Variants in TLL1 observed in about 807,000 individuals in gnomAD.
TLL1 encodes tolloid-like protein 1.
TLL1 carries 49 observed loss-of-function variants against 128.2 expected under a neutral mutation model. That is an observed-to-expected ratio of 0.38 (90% CI 0.30 to 0.48). The LOEUF is 0.48. TLL1 is among the 20% of genes least tolerant of loss of function. TLL1 has a pLI of 0.96. For missense variants in TLL1, 1,123 were observed against 1,242.0 expected, an observed-to-expected ratio of 0.90 and a Z score of 1.44; for synonymous variants, 454 against 418.8, an observed-to-expected ratio of 1.08 and a Z score of -1.03.
chr4:165,959,268 T>A (rs1579544896), intron 1 of TLL1, among the ~76,000 whole-genome samples: 1 of 152,208 alleles, frequency 6.6e-6, no homozygotes, highest in East Asian at 1.9e-4. Context: ...GGTAGCTTGA[T>A]GGGGATGGCA....
At chr4:165,917,490 G>T (rs999195561) in intron 1 of TLL1, among the ~76,000 whole-genome samples, 4 of 152,102 alleles carry the variant, frequency 2.6e-5, no homozygotes, top group Non-Finnish European at 5.9e-5. Flanking sequence ...GGTATCAGGT[G>T]TAACTTTTAT....
intron 1 of TLL1, among the ~76,000 whole-genome samples, chr4:165,876,190 C>A (rs549731819): frequency 6.6e-6 from 1 of 152,132 alleles, no homozygotes; most frequent in Non-Finnish European, 1.5e-5. Flanking sequence ...AAATTATCTA[C>A]CCTGCTTTTG....
chr4:166,046,420 G>C (rs1739463810), intron 12 of TLL1, among the ~76,000 whole-genome samples: 1 of 152,108 alleles, frequency 6.6e-6, no homozygotes, highest in South Asian at 2.1e-4. Context: ...AATCTTCTAG[G>C]CAAGGAAACT....
intron 19 of TLL1, among the ~76,000 whole-genome samples, chr4:166,095,292 G>T (rs997241819): frequency 1.3e-5 from 2 of 151,922 alleles, no homozygotes; most frequent in Admixed American, 6.6e-5. Flanking sequence ...GGACTTAATT[G>T]GAAAGAGTTC....
At chr4:166,020,317 C>A (rs1421107211) in intron 8 of TLL1, among the ~76,000 whole-genome samples, 1 of 152,116 alleles carries the variant, frequency 6.6e-6, no homozygotes, top group African/African-American at 2.4e-5. Context: ...GTCTTACAAT[C>A]TTTTCTATTC....
chr4:165,873,732 C>T lies in TLL1; in HGVS notation c.-173C>T. The T allele has an allele frequency of 1.5e-6, 1 of 652,810 alleles. No homozygotes were observed. 40.4% of individuals were successfully genotyped at this position (652,810 alleles called of 1,614,324 possible). A position where few individuals can be genotyped will look rare whatever the true frequency, so the allele number is the denominator to read the frequency against. On this transcript the variant is annotated 5_prime_UTR_variant, in exon 1 of 21. Coordinates refer to ENST00000061240, the MANE Select transcript of TLL1 (RefSeq NM_012464.5). The stretch of plus-strand genomic sequence containing the variant: ...GGGGGTAACAGGCAGTGCTTGCCCT[C>T]TCTACTGTCCCGGCGGCATCCACAT...
chr4:166,001,144 A>G (rs1737130416), intron 5 of TLL1, among the ~76,000 whole-genome samples: 2 of 152,108 alleles, frequency 1.3e-5, no homozygotes, highest in South Asian at 4.1e-4. Flanking sequence ...CATTCGGTCA[A>G]TTAGTTTTTG....
chr4:165,937,243 TA>T (rs1359689732), intron 1 of TLL1, among the ~76,000 whole-genome samples: 3 of 152,148 alleles, frequency 2.0e-5, no homozygotes, highest in African/African-American at 7.2e-5. Context: ...TTTTTAACAA[TA>T]AAAAAACCTG....
At chr4:166,063,398 G>C (rs1206817084) in intron 15 of TLL1, among the ~76,000 whole-genome samples, 3 of 152,168 alleles carry the variant, frequency 2.0e-5, no homozygotes, top group African/African-American at 7.2e-5. Flanking sequence ...TGGTGGGACT[G>C]TAAACTAGTT....
intron 11 of TLL1, among the ~76,000 whole-genome samples, chr4:166,042,635 A>T (rs1739287827): frequency 6.6e-6 from 1 of 152,210 alleles, no homozygotes; most frequent in Non-Finnish European, 1.5e-5. Flanking sequence ...AAAACAATAA[A>T]CTGGCATTGT....
chr4:166,025,060 A>G (rs1309002837), intron 8 of TLL1, among the ~76,000 whole-genome samples: 2 of 152,216 alleles, frequency 1.3e-5, no homozygotes, highest in Non-Finnish European at 2.9e-5. Flanking sequence ...AAAGGTTTCC[A>G]TGAGGAAGAA....
At chr4:165,874,876 G>T (rs1460073) in intron 1 of TLL1, 15,497 of 152,334 alleles carry the variant, frequency 0.1, 908 homozygotes, top group East Asian at 0.18. Context: ...GCGGGGCGGC[G>T]CTTCCCTCTC....
Position 165,903,547 on chromosome 4 carries a change from G to A in TLL1, c.169+29474G>A, listed in dbSNP as rs1732099330. 2.6e-5 allele frequency among the ~76,000 whole-genome samples: 4 copies of A among 151,164 alleles called. 1 individual carries two copies. The Middle Eastern group carries it at 0.01, about 386-fold the overall frequency. The stretch of plus-strand genomic sequence containing the variant: ...TCTGCCTTAGCCACTTGAGTAGCTG[G>A]GACTACAGGTGTGTACCACCATGCC... On this transcript the variant is annotated intron_variant, in intron 1 of 20. Transcript: ENST00000061240.
chr4:166,005,728 G>A (rs1037599719), intron 6 of TLL1, among the ~76,000 whole-genome samples: 1 of 148,090 alleles, frequency 6.8e-6, no homozygotes, highest in East Asian at 2.1e-4. Flanking sequence ...AATTATTCGT[G>A]TTTTTTATTT....
chr4:165,986,054 A>G (rs1736380858), intron 1 of TLL1, among the ~76,000 whole-genome samples: 1 of 151,846 alleles, frequency 6.6e-6, no homozygotes, highest in Non-Finnish European at 1.5e-5. Context: ...ACCTCAAATC[A>G]TGTATTAAAT....
intron 1 of TLL1, among the ~76,000 whole-genome samples, chr4:165,940,580 C>T (rs943191606): frequency 2.6e-5 from 4 of 151,786 alleles, no homozygotes; most frequent in African/African-American, 4.8e-5. Context: ...TGGCTGAATT[C>T]GTTATATGAA....
At chr4:165,948,063 T>C (rs1734340265) in intron 1 of TLL1, among the ~76,000 whole-genome samples, 1 of 152,134 alleles carries the variant, frequency 6.6e-6, no homozygotes, top group Non-Finnish European at 1.5e-5. Flanking sequence ...ATTTTGAGCC[T>C]AAAGGATAGA....
intron 8 of TLL1, among the ~76,000 whole-genome samples, chr4:166,019,669 A>G (rs1738121724): frequency 6.6e-6 from 1 of 152,164 alleles, no homozygotes; most frequent in Admixed American, 6.5e-5. Flanking sequence ...CCAAGAGGGC[A>G]AGTTTCTAAC....
rs927159914 is a variant in TLL1, at chr4:166,103,866, C to T, written c.*2990C>T. 6.7e-6 allele frequency: 1 copy of T among 149,896 alleles called. No individual in the cohort carries two copies. Among genetic ancestry groups the T allele is most frequent in the African/African-American group, 2.4e-5 (1 of 40,944 alleles). The allele number at this position is 149,896 out of a possible 1,614,324, so 9.3% of individuals were successfully genotyped here. On this transcript the variant is annotated 3_prime_UTR_variant, in exon 21 of 21. Transcript: ENST00000061240. ...GAAAAAAAAAAAAACACTGTTCTCACTTGATTTTATTAAATTATTTTTAAA... is the reference window on the plus strand; with the variant it reads ...GAAAAAAAAAAAAACACTGTTCTCATTTGATTTTATTAAATTATTTTTAAA...
Sources: allele counts gnomAD v4.1 joint callset (sites outside exome capture counted in the v4.1 genomes callset), GRCh38; gene constraint gnomAD v4.1.1; transcripts MANE v1.5; gene names NCBI Gene and HGNC (gene_info 2026-07-23, HGNC 2026-07-21).